The following KATNIP variants were observed in gnomAD, a reference collection of about 807,000 sequenced individuals.
KATNIP encodes the protein katanin-interacting protein.
In KATNIP, 126 loss-of-function variants were observed where a neutral mutation model predicts 174.0. The ratio of observed to expected loss-of-function variants is 0.72; its 90% CI spans 0.63 to 0.84. The LOEUF (loss-of-function observed/expected upper bound fraction) is 0.84. KATNIP is among the 40% of genes least tolerant of loss of function. The pLI is 0.00. For synonymous variants in KATNIP, 810 were observed against 835.7 expected (o/e 0.97, Z 0.53); for missense variants, 1,958 against 2,109.7 (o/e 0.93, Z 1.41).
At chr16:27,657,719 G>C (rs1567263928) in intron 6 of KATNIP, among the ~76,000 whole-genome samples, 3 of 152,196 alleles carry the variant, frequency 2.0e-5, no homozygotes, top group Non-Finnish European at 4.4e-5. Flanking sequence ...AGACCAGTCT[G>C]GCCAACACGG....
At chr16:27,603,452 A>T (rs1450403528) in intron 2 of KATNIP, among the ~76,000 whole-genome samples, 1 of 152,166 alleles carries the variant, frequency 6.6e-6, no homozygotes, top group Admixed American at 6.5e-5. Flanking sequence ...TTATATTCAG[A>T]ATTTTCTCTC....
In KATNIP at chr16:27,721,651, C is replaced by G; in HGVS notation, c.1699C>G (p.His567Asp). Residue 567 changes from histidine (H) to aspartate (D), a missense_variant, in exon 14 of 28, where the codon CAT (histidine) becomes GAT (aspartate). Around this residue, in one of 3 missense-constraint regions of KATNIP, gnomAD observed 1,557 missense variants for 1,617.8 expected, o/e 0.96. Coordinates refer to ENST00000261588, the MANE Select transcript of KATNIP (RefSeq NM_015202.5). ...IRNTRQLGDFHLAKIKVRNYW... is the reference protein window; with the variant it reads ...IRNTRQLGDFDLAKIKVRNYW... ...AAACACAAGACAGCTGGGGGACTTC[C>G]ATCTGGCCAAGATCAAGGTTCGGAA... 1.2e-6 allele frequency: 2 copies of G among 1,614,192 alleles called. No homozygotes were observed. Among genetic ancestry groups the G allele is most frequent in the Non-Finnish European group, 1.7e-6 (2 of 1,180,036 alleles).
chr16:27,729,078 A>G (rs921422594), intron 14 of KATNIP, among the ~76,000 whole-genome samples: 1 of 152,192 alleles, frequency 6.6e-6, no homozygotes, highest in Non-Finnish European at 1.5e-5. Flanking sequence ...TTCTCTTGGT[A>G]CCAAAGGACA....
chr16:27,655,534 G>T (rs551325106), intron 6 of KATNIP, among the ~76,000 whole-genome samples: 1 of 151,938 alleles, frequency 6.6e-6, no homozygotes, highest in African/African-American at 2.4e-5. Flanking sequence ...ACAGGCATGA[G>T]CCGCTGCGCC....
At chr16:27,576,143 A>G (rs2090488209) in intron 2 of KATNIP, among the ~76,000 whole-genome samples, 1 of 152,176 alleles carries the variant, frequency 6.6e-6, no homozygotes, top group Non-Finnish European at 1.5e-5. Context: ...CTGGGAAACC[A>G]TGGAGCGGGG....
In KATNIP at chr16:27,751,880, G is replaced by A. The variant is rs538909948; in HGVS notation, c.3508G>A (p.Asp1170Asn). The A allele has an allele frequency of 2.4e-5, 39 of 1,613,250 alleles. No homozygotes were observed. Among genetic ancestry groups the A allele is most frequent in the Non-Finnish European group, 3.3e-5 (39 of 1,179,978 alleles). The change falls in exon 17 of 28, where the codon GAT becomes AAT. Residue 1170 changes from aspartate (D) to asparagine (N), a missense_variant. By Grantham distance (23) the Asp-to-Asn change is conservative. Coordinates refer to ENST00000261588, the MANE Select transcript of KATNIP (RefSeq NM_015202.5). ...GCCCAGCACGGCCGACGGCGAGGGG[G>A]ATGAGCGGCCCTTCACCCAGGCTGG... ...RRPSTADGEG[D>N]ERPFTQAGLG...
chr16:27,771,134 G>A (rs1021070891), intron 21 of KATNIP, among the ~76,000 whole-genome samples: 3 of 152,152 alleles, frequency 2.0e-5, no homozygotes, highest in Non-Finnish European at 2.9e-5. Flanking sequence ...TCGGCACAGC[G>A]TGGACCCTCC....
At chr16:27,590,570 A>G (rs1408515332) in intron 2 of KATNIP, among the ~76,000 whole-genome samples, 1 of 152,200 alleles carries the variant, frequency 6.6e-6, no homozygotes, top group Admixed American at 6.6e-5. Context: ...TCTTGTGAGC[A>G]CAGGGTCTCT....
intron 18 of KATNIP, chr16:27,755,453 GA>G (rs2081685053): frequency 6.6e-6 from 1 of 152,330 alleles, no homozygotes; most frequent in Non-Finnish European, 1.5e-5. Context: ...GGCAGAGGGA[GA>G]AGCTGGTCTG....
intron 6 of KATNIP, among the ~76,000 whole-genome samples, chr16:27,674,900 G>C (rs112500756): frequency 1.3e-5 from 2 of 152,108 alleles, no homozygotes; most frequent in Non-Finnish European, 2.9e-5. Flanking sequence ...TCTAAGTCTC[G>C]TCAGCTCAAA....
chr16:27,769,953 T>C lies in KATNIP; in HGVS notation c.4068T>C (p.Asp1356=), dbSNP rs1254943313. ...AGGGGCCAGGCAACTGCCACTTTGA[T>C]TTTGCTCAAGAAATCCTCTTCGTGG... ...IRKGPGNCHF[D]FAQEILFVDY... The change falls in exon 21 of 28, where the codon GAT becomes GAC. Residue 1356 remains aspartate (D), a synonymous_variant. Transcript: ENST00000261588. 5 of 1,614,220 alleles carry C rather than the reference T, an allele frequency of 3.1e-6. No individual in the cohort carries two copies. Among genetic ancestry groups the C allele is most frequent in the Non-Finnish European group, 4.2e-6 (5 of 1,180,038 alleles).
At position 27,775,061 on chromosome 16, in the gene KATNIP, C is replaced by T. The variant is rs140659270; in HGVS notation, c.4426C>T (p.Leu1476=). 12 of 1,612,528 alleles carry T rather than the reference C, an allele frequency of 7.4e-6. No homozygotes were observed. The African/African-American group carries it at 1.3e-4, about 18-fold the overall frequency. The stretch of plus-strand genomic sequence containing the variant: ...CACCAGTGATGGCCGGCACATGTGG[C>T]TGGCTCCCATCCTGCCGGGCCTGGT... ...NDTSDGRHMW[L]APILPGLVNR... is the part of the protein sequence containing the mutation. Residue 1476 remains leucine (L), a synonymous_variant, in exon 24 of 28, where the codon CTG becomes TTG. Transcript: ENST00000261588.
chr16:27,764,203 A>G (rs1215170298), intron 19 of KATNIP, among the ~76,000 whole-genome samples: 1 of 152,218 alleles, frequency 6.6e-6, no homozygotes, highest in Non-Finnish European at 1.5e-5. Context: ...TCAGATGGGA[A>G]AGGCAGCCTA....
intron 7 of KATNIP, chr16:27,679,021 G>C (rs1019735748): frequency 6.6e-6 from 1 of 152,258 alleles, no homozygotes. Flanking sequence ...TCCTATTCAT[G>C]TGCACCGTCA....
At chr16:27,622,839 C>T (rs376780987) in intron 3 of KATNIP, among the ~76,000 whole-genome samples, 2 of 152,214 alleles carry the variant, frequency 1.3e-5, no homozygotes, top group South Asian at 4.1e-4. Flanking sequence ...AGGGAGGTGC[C>T]GGCATCTTTA....
intron 6 of KATNIP, among the ~76,000 whole-genome samples, chr16:27,656,705 C>T (rs913339236): frequency 4.8e-5 from 7 of 145,354 alleles, no homozygotes; most frequent in African/African-American, 1.0e-4. Context: ...AACCAAACAC[C>T]GCATATTCTC....
chr16:27,699,127 A>G (rs985002955), intron 9 of KATNIP, among the ~76,000 whole-genome samples: 1 of 152,036 alleles, frequency 6.6e-6, no homozygotes, highest in Non-Finnish European at 1.5e-5. Context: ...CCTTTTTCTT[A>G]GCTTGTCCCC....
intron 2 of KATNIP, among the ~76,000 whole-genome samples, chr16:27,592,227 T>A (rs2075192571): frequency 6.6e-6 from 1 of 151,894 alleles, no homozygotes. Flanking sequence ...TCCATGTTAT[T>A]TACCATGGGC....
chr16:27,717,000 C>G (rs556104098), intron 13 of KATNIP, among the ~76,000 whole-genome samples: 2 of 152,212 alleles, frequency 1.3e-5, no homozygotes, highest in South Asian at 4.2e-4. Context: ...GGCGCCACCA[C>G]ACCCGGCTAA....
Sources: allele counts gnomAD v4.1 joint callset (sites outside exome capture counted in the v4.1 genomes callset), GRCh38; gene constraint gnomAD v4.1.1; regional missense constraint gnomAD v4.1.1; transcripts MANE v1.5; gene names NCBI Gene and HGNC (gene_info 2026-07-23, HGNC 2026-07-21).